ANKS1B: variants seen among roughly 807,000 people sequenced by gnomAD.
ANKS1B encodes the protein ankyrin repeat and sterile alpha motif domain-containing protein 1B.
Under a neutral mutation model 148.3 loss-of-function variants are expected in ANKS1B, and 36 were observed. That is an observed-to-expected ratio of 0.24 (90% CI 0.19 to 0.32). The LOEUF (loss-of-function observed/expected upper bound fraction) is 0.32, where lower values mean the gene tolerates loss of function less well. ANKS1B is among the 10% of genes least tolerant of loss of function. The pLI is 1.00. For synonymous variants in ANKS1B, 542 were observed against 560.8 expected (o/e 0.97, Z 0.47); for missense variants, 1,157 against 1,542.6 (o/e 0.75, Z 4.19).
At chr12:98,951,482 G>A (rs1459157856) in intron 17 of ANKS1B, among the ~76,000 whole-genome samples, 3 of 152,146 alleles carry the variant, frequency 2.0e-5, no homozygotes, top group Non-Finnish European at 4.4e-5. Context: ...CACAGCTCCA[G>A]TTGAAGTCCT....
At chr12:99,406,301 A>G (rs1469275972) in intron 11 of ANKS1B, among the ~76,000 whole-genome samples, 1 of 146,136 alleles carries the variant, frequency 6.8e-6, no homozygotes, top group Non-Finnish European at 1.5e-5. Flanking sequence ...AAACTAAAAA[A>G]TAAATTGAAA....
chr12:99,131,968 G>A (rs1464883119), intron 15 of ANKS1B, among the ~76,000 whole-genome samples: 1 of 152,144 alleles, frequency 6.6e-6, no homozygotes, highest in African/African-American at 2.4e-5. Context: ...GTTGGTGTCT[G>A]ATGCTCTGTT....
At chr12:99,436,804 T>C (rs946516621) in intron 11 of ANKS1B, among the ~76,000 whole-genome samples, 1 of 151,984 alleles carries the variant, frequency 6.6e-6, no homozygotes, top group Non-Finnish European at 1.5e-5. Context: ...TGAGTAGGTG[T>C]TCAGAAATGA....
At position 98,941,160 on chromosome 12, in the gene ANKS1B, A is replaced by T. The variant is rs375910397; in HGVS notation, c.2779-109024T>A. Among the ~76,000 whole-genome samples the T allele has an allele frequency of 4.1e-4, 62 of 152,306 alleles. No homozygotes were observed. In the East Asian group the frequency reaches 9.6e-3, roughly 24 times the overall value. On this transcript the variant is annotated intron_variant, in intron 17 of 26. Transcript: ENST00000683438. ...GTTTTATATGTGTTTCTGTTTAAAG[A>T]CACCTTCTTTTAATATATATTATTG... is the stretch of plus-strand genomic sequence containing the variant.
intron 12 of ANKS1B, among the ~76,000 whole-genome samples, chr12:99,301,557 A>G (rs190198369): frequency 2.0e-5 from 3 of 152,298 alleles, no homozygotes; most frequent in Admixed American, 6.5e-5. Flanking sequence ...CCACTCATTC[A>G]TTCATTCAAA....
intron 1 of ANKS1B, among the ~76,000 whole-genome samples, chr12:99,958,198 A>G (rs536183957): frequency 1.3e-5 from 2 of 152,128 alleles, no homozygotes; most frequent in Non-Finnish European, 2.9e-5. Flanking sequence ...GCAACAGTGG[A>G]AAGTCCATGA....
chr12:99,712,040 T>C (rs976971062), intron 8 of ANKS1B, among the ~76,000 whole-genome samples: 8 of 152,220 alleles, frequency 5.3e-5, no homozygotes, highest in African/African-American at 1.9e-4. Flanking sequence ...TCATGTCCTT[T>C]GCAGGGACAT....
chr12:99,427,621 T>G (rs936247171), intron 11 of ANKS1B, among the ~76,000 whole-genome samples: 1 of 152,216 alleles, frequency 6.6e-6, no homozygotes, highest in African/African-American at 2.4e-5. Flanking sequence ...ACTTGATCAT[T>G]GAATATTTAC....
chr12:99,352,880 A>C (rs1371757772), intron 12 of ANKS1B, among the ~76,000 whole-genome samples: 1 of 152,080 alleles, frequency 6.6e-6, no homozygotes, highest in African/African-American at 2.4e-5. Flanking sequence ...TATAGAGTCT[A>C]TTATAGATAT....
chr12:99,295,466 T>C (rs1337723596), intron 12 of ANKS1B, among the ~76,000 whole-genome samples: 4 of 152,252 alleles, frequency 2.6e-5, no homozygotes, highest in Non-Finnish European at 5.9e-5. Context: ...TTATAAGATA[T>C]GATAATTGGA....
At chr12:98,960,904 A>T (rs2099870250) in intron 17 of ANKS1B, among the ~76,000 whole-genome samples, 1 of 152,168 alleles carries the variant, frequency 6.6e-6, no homozygotes, top group Non-Finnish European at 1.5e-5. Flanking sequence ...AGAATTGATC[A>T]AGTAGAAGAA....
chr12:98,749,004 G>A (rs2097988603), intron 26 of ANKS1B, among the ~76,000 whole-genome samples: 1 of 152,186 alleles, frequency 6.6e-6, no homozygotes, highest in Non-Finnish European at 1.5e-5. Context: ...TCCATCCACA[G>A]GCCCTCATTT....
chr12:99,831,221 CAAAG>C (rs1178862796), intron 1 of ANKS1B, among the ~76,000 whole-genome samples: 1 of 124,078 alleles, frequency 8.1e-6, no homozygotes, highest in Non-Finnish European at 1.7e-5. Flanking sequence ...CACTGGCAAT[CAAAG>C]AAAGCAAAAA....
intron 1 of ANKS1B, among the ~76,000 whole-genome samples, chr12:99,862,571 G>A (rs967545314): frequency 4.6e-5 from 7 of 152,162 alleles, no homozygotes; most frequent in Admixed American, 6.5e-5. Context: ...GCTGATGAGC[G>A]CAGCTTTTTC....
intron 10 of ANKS1B, among the ~76,000 whole-genome samples, chr12:99,481,058 G>C (rs2096402510): frequency 1.3e-5 from 2 of 151,416 alleles, no homozygotes; most frequent in Non-Finnish European, 3.0e-5. Flanking sequence ...AGCTTTTGAG[G>C]TATAAGTGGT....
chr12:99,110,470 G>A (rs2060075419), intron 15 of ANKS1B, among the ~76,000 whole-genome samples: 1 of 152,126 alleles, frequency 6.6e-6, no homozygotes, highest in Admixed American at 6.5e-5. Context: ...AGACAGAAGT[G>A]GTAGCACTGA....
At chr12:99,408,423 A>G (rs1014423874) in intron 11 of ANKS1B, among the ~76,000 whole-genome samples, 1 of 146,184 alleles carries the variant, frequency 6.8e-6, no homozygotes, top group Admixed American at 6.8e-5. Context: ...GAAGCTCTCC[A>G]GGACATTGGA....
intron 12 of ANKS1B, among the ~76,000 whole-genome samples, chr12:99,393,601 T>A (rs1436339444): frequency 1.3e-5 from 2 of 152,244 alleles, no homozygotes; most frequent in Non-Finnish European, 2.9e-5. Context: ...TATTTAAGAA[T>A]ATGTTGATGG....
chr12:99,849,397 G>A (rs995408582), intron 1 of ANKS1B, among the ~76,000 whole-genome samples: 56 of 152,060 alleles, frequency 3.7e-4, no homozygotes, highest in African/African-American at 1.3e-3. Context: ...AAAGACAGAT[G>A]AAACCAAATG....
Sources: gnomAD v4.1 joint callset for allele counts (sites outside exome capture counted in the v4.1 genomes callset) on GRCh38, gnomAD v4.1.1 for gene constraint, MANE v1.5 for transcripts, NCBI Gene and HGNC (gene_info 2026-07-23, HGNC 2026-07-21) for gene names.